SPOCK3: variants seen among roughly 807,000 people sequenced by gnomAD.
The protein encoded by SPOCK3 is SPARC (osteonectin), cwcv and kazal like domains proteoglycan 3, also known as testican-3.
Under a neutral mutation model 56.6 loss-of-function variants are expected in SPOCK3, and 30 were observed. That is an observed-to-expected ratio of 0.53 (90% CI 0.40 to 0.72). The LOEUF (loss-of-function observed/expected upper bound fraction) is 0.72, where lower values mean the gene tolerates loss of function less well. Ranked by LOEUF, SPOCK3 falls within the 30% of genes least tolerant of loss-of-function variation. The probability of loss-of-function intolerance (pLI) is 0.00; values close to 1 mark genes in which losing one functional copy is unlikely to be tolerated. For synonymous variants in SPOCK3, 196 were observed against 183.3 expected (o/e 1.07, Z -0.56); for missense variants, 527 against 530.0 (o/e 0.99, Z 0.06).
intron 4 of SPOCK3, among the ~76,000 whole-genome samples, chr4:166,970,541 T>A (rs1005826586): frequency 6.6e-6 from 1 of 151,968 alleles, no homozygotes; most frequent in Non-Finnish European, 1.5e-5. Context: ...TTGGCCAACA[T>A]GGTGAAACTC....
chr4:166,885,974 T>G (rs1560972494), intron 6 of SPOCK3, among the ~76,000 whole-genome samples: 2 of 152,158 alleles, frequency 1.3e-5, no homozygotes, highest in Non-Finnish European at 2.9e-5. Context: ...GTGTAGACAA[T>G]TTAAGATTTG....
At chr4:166,903,865 T>C (rs550763612) in intron 5 of SPOCK3, among the ~76,000 whole-genome samples, 11 of 152,100 alleles carry the variant, frequency 7.2e-5, no homozygotes, top group African/African-American at 2.6e-4. Flanking sequence ...TCCAGTGTGA[T>C]TGTGGGAAGA....
At chr4:167,021,450 G>A (rs1046519458) in intron 3 of SPOCK3, among the ~76,000 whole-genome samples, 25 of 151,996 alleles carry the variant, frequency 1.6e-4, no homozygotes, top group African/African-American at 1.9e-4. Context: ...AAACAGTGAT[G>A]TGTGACTGGC....
intron 3 of SPOCK3, among the ~76,000 whole-genome samples, chr4:167,033,660 GTA>G (rs1052275355): frequency 4.0e-5 from 6 of 151,846 alleles, no homozygotes; most frequent in Non-Finnish European, 8.8e-5. Context: ...CAACACTATA[GTA>G]TTCCCAAAAC....
At chr4:167,083,791 T>A (rs974854564) in intron 2 of SPOCK3, among the ~76,000 whole-genome samples, 1 of 152,164 alleles carries the variant, frequency 6.6e-6, no homozygotes, top group Non-Finnish European at 1.5e-5. Flanking sequence ...TGTTCATAGT[T>A]CCTGAACATC....
intron 7 of SPOCK3, among the ~76,000 whole-genome samples, chr4:166,772,490 G>C (rs1739061377): frequency 6.6e-6 from 1 of 152,010 alleles, no homozygotes; most frequent in Non-Finnish European, 1.5e-5. Flanking sequence ...TGAAGAAATT[G>C]CATATGAAAT....
chr4:167,109,065 T>TATATTTATATAAAAATATGTATAAA (rs1328710834), intron 2 of SPOCK3, among the ~76,000 whole-genome samples: 1 of 1,798 alleles, frequency 5.6e-4, no homozygotes, highest in Non-Finnish European at 7.7e-4. Flanking sequence ...TATATAAATA[T>TATATTTATATAAAAATATGTATAAA]TATATATTTA....
chr4:166,916,512 C>T (rs1737869573), intron 4 of SPOCK3, among the ~76,000 whole-genome samples: 1 of 152,120 alleles, frequency 6.6e-6, no homozygotes, highest in Admixed American at 6.6e-5. Flanking sequence ...TTCATTTACT[C>T]ATTTATGTTC....
chr4:167,010,519 C>CAAAAA (rs11408189), intron 3 of SPOCK3, among the ~76,000 whole-genome samples: 3 of 109,832 alleles, frequency 2.7e-5, no homozygotes, highest in African/African-American at 1.0e-4. Flanking sequence ...GACTCTGTCT[C>CAAAAA]AAAAAAAAAA....
intron 2 of SPOCK3, among the ~76,000 whole-genome samples, chr4:167,103,496 T>C (rs1309467521): frequency 6.6e-6 from 1 of 152,106 alleles, no homozygotes; most frequent in Non-Finnish European, 1.5e-5. Context: ...AGTGAGAGGC[T>C]CCTCTGTCCA....
intron 3 of SPOCK3, among the ~76,000 whole-genome samples, chr4:167,013,799 G>T (rs1267558386): frequency 2.0e-5 from 3 of 152,124 alleles, no homozygotes; most frequent in African/African-American, 7.2e-5. Flanking sequence ...GTTCCTTGAT[G>T]ATATCCCCTA....
intron 8 of SPOCK3, among the ~76,000 whole-genome samples, chr4:166,745,597 C>T (rs116478398): frequency 0.029 from 4,425 of 152,226 alleles, 88 homozygotes; most frequent in Non-Finnish European, 0.048. Flanking sequence ...GCAAAATAAG[C>T]AGCTAACATC....
chr4:167,146,621 A>C (rs1036862623), intron 2 of SPOCK3, among the ~76,000 whole-genome samples: 1 of 152,208 alleles, frequency 6.6e-6, no homozygotes, highest in African/African-American at 2.4e-5. Flanking sequence ...CTCTCAGACC[A>C]CAGTGCAATC....
chr4:167,094,590 G>T (rs1580271929), intron 2 of SPOCK3, among the ~76,000 whole-genome samples: 1 of 151,996 alleles, frequency 6.6e-6, no homozygotes, highest in Admixed American at 6.6e-5. Context: ...ATGTGAATTT[G>T]CTCATTATGA....
intron 4 of SPOCK3, among the ~76,000 whole-genome samples, chr4:166,960,777 G>T (rs7678107): frequency 0.022 from 3,286 of 152,256 alleles, 136 homozygotes; most frequent in African/African-American, 0.075. Flanking sequence ...GCAGGAGAAA[G>T]ACACTTGGCA....
At chr4:166,930,191 A>T (rs1410260417) in intron 4 of SPOCK3, among the ~76,000 whole-genome samples, 1 of 152,204 alleles carries the variant, frequency 6.6e-6, no homozygotes, top group East Asian at 1.9e-4. Flanking sequence ...TTGTAAAAAA[A>T]AGGAACTAGT....
At chr4:166,753,962 C>A (rs1385452433) in intron 8 of SPOCK3, 1 of 353,624 alleles carries the variant, frequency 2.8e-6, no homozygotes, top group Non-Finnish European at 4.0e-6. Context: ...TCACCTCCTC[C>A]TTAGTATTAA....
chr4:166,980,228 T>C (rs1423683818), intron 4 of SPOCK3, among the ~76,000 whole-genome samples: 1 of 152,246 alleles, frequency 6.6e-6, no homozygotes, highest in African/African-American at 2.4e-5. Flanking sequence ...AGGACAGCAA[T>C]ATGTACATCT....
intron 2 of SPOCK3, among the ~76,000 whole-genome samples, chr4:167,166,051 T>G (rs781760660): frequency 6.6e-6 from 1 of 152,044 alleles, no homozygotes; most frequent in African/African-American, 2.4e-5. Context: ...CTGCTCAAAA[T>G]AGAGGATTAT....
Sources: gnomAD v4.1 joint callset for allele counts (sites outside exome capture counted in the v4.1 genomes callset) on GRCh38, gnomAD v4.1.1 for gene constraint, MANE v1.5 for transcripts, NCBI Gene and HGNC (gene_info 2026-07-23, HGNC 2026-07-21) for gene names.